CCDC141: variants seen among roughly 807,000 people sequenced by gnomAD.
The protein encoded by CCDC141 is coiled-coil domain-containing protein 141.
Under a neutral mutation model 181.0 loss-of-function variants are expected in CCDC141, and 168 were observed. That is an observed-to-expected ratio of 0.93 (90% confidence interval 0.82 to 1.05). The LOEUF is 1.05. Ranked by LOEUF, CCDC141 falls within the 50% of genes least tolerant of loss-of-function variation. CCDC141 has a pLI of 0.00. For missense variants in CCDC141, 1,902 were observed against 1,788.5 expected (o/e 1.06, Z -1.14); for synonymous variants, 666 against 642.3 (o/e 1.04, Z -0.56).
chr2:179,001,699 A>G (rs17453612), intron 2 of CCDC141: 24,042 of 152,142 alleles, frequency 0.16, 2,005 homozygotes, highest in Middle Eastern at 0.26. Flanking sequence ...GTTTGATGTA[A>G]GAAAGTGGAG....
At chr2:178,948,393 T>C (rs1575254121) in intron 5 of CCDC141, among the ~76,000 whole-genome samples, 1 of 152,218 alleles carries the variant, frequency 6.6e-6, no homozygotes. Flanking sequence ...TATTGGATGG[T>C]TCTCCAATTA....
At position 178,961,462 on chromosome 2, in the gene CCDC141, G is replaced by A; in HGVS notation, c.548C>T (p.Ala183Val). The A allele has an allele frequency of 2.6e-6, 4 of 1,549,862 alleles. No homozygotes were observed. The highest frequency in any genetic ancestry group is 3.5e-6 in the Non-Finnish European group (4 of 1,146,560). The change falls in exon 5 of 24, where the codon GCC becomes GTC. Residue 183 changes from alanine (A) to valine (V), a missense_variant. Coordinates refer to ENST00000443758, the MANE Select transcript of CCDC141 (RefSeq NM_173648.4). ...GAGTTGTTGACTTTTGTTTAAAAGG[G>A]CTAAAGACCGTTCCAAGAGTTCTAG... ...HTKELLERSL[A>V]LLNKSQQLTD...
the CCDC141 span, among the ~76,000 whole-genome samples, chr2:178,822,429 G>A: frequency 1.4e-5 from 2 of 144,172 alleles, no homozygotes; most frequent in Non-Finnish European, 3.0e-5. Context: ...AATCCCTCCT[G>A]AAAAAAAAAA....
At chr2:178,998,168 A>G (rs116088529) in intron 2 of CCDC141, among the ~76,000 whole-genome samples, 2,265 of 152,336 alleles carry the variant, frequency 0.015, 39 homozygotes, top group African/African-American at 0.046. Flanking sequence ...CACTTAGAAC[A>G]TTCTCAATCA....
At chr2:178,922,042 A>G (rs1229500502) in intron 6 of CCDC141, among the ~76,000 whole-genome samples, 1 of 152,216 alleles carries the variant, frequency 6.6e-6, no homozygotes, top group Non-Finnish European at 1.5e-5. Context: ...GGGAGGGCCT[A>G]GAAAAACAGG....
chr2:178,867,165 A>G (rs1685891449), intron 16 of CCDC141, among the ~76,000 whole-genome samples: 4 of 152,198 alleles, frequency 2.6e-5, no homozygotes, highest in Non-Finnish European at 5.9e-5. Flanking sequence ...GGACTCCTCC[A>G]TTCTGGGCTT....
intron 2 of CCDC141, among the ~76,000 whole-genome samples, chr2:179,040,745 T>C (rs2043275369): frequency 6.6e-6 from 1 of 152,238 alleles, no homozygotes. Context: ...TCATATTCCA[T>C]GTTATATATG....
intron 6 of CCDC141, among the ~76,000 whole-genome samples, chr2:178,934,072 C>A (rs1264660040): frequency 1.3e-5 from 2 of 148,990 alleles, no homozygotes; most frequent in Admixed American, 6.8e-5. Context: ...TACATAGAAT[C>A]TCTAGGAATG....
chr2:179,027,548 G>A (rs2042882622), intron 2 of CCDC141, among the ~76,000 whole-genome samples: 1 of 150,308 alleles, frequency 6.7e-6, no homozygotes, highest in South Asian at 2.1e-4. Flanking sequence ...GGGAGGCTGA[G>A]GCAGGAGAAT....
chr2:179,011,538 CA>C (rs1358642019), intron 2 of CCDC141, among the ~76,000 whole-genome samples: 6 of 152,102 alleles, frequency 3.9e-5, no homozygotes, highest in African/African-American at 1.4e-4. Context: ...TTCAATACCC[CA>C]CTGACAACAC....
At chr2:178,815,290 T>C in the CCDC141 span, among the ~76,000 whole-genome samples, 1 of 152,186 alleles carries the variant, frequency 6.6e-6, no homozygotes, top group African/African-American at 2.4e-5. Flanking sequence ...AATCATATTT[T>C]AAGGAAATGA....
intron 19 of CCDC141, among the ~76,000 whole-genome samples, chr2:178,854,527 A>G (rs1168919508): frequency 2.6e-5 from 4 of 152,168 alleles, no homozygotes; most frequent in African/African-American, 9.7e-5. Flanking sequence ...CCATCTCAAA[A>G]ATAAATAAAT....
At chr2:178,909,497 T>C (rs908190811) in intron 7 of CCDC141, among the ~76,000 whole-genome samples, 4 of 152,148 alleles carry the variant, frequency 2.6e-5, no homozygotes, top group Admixed American at 6.5e-5. Flanking sequence ...GACATAGAAA[T>C]AAGAGTTAAA....
chr2:178,975,368 A>C (rs1406681679), intron 3 of CCDC141, among the ~76,000 whole-genome samples: 1 of 152,118 alleles, frequency 6.6e-6, no homozygotes, highest in East Asian at 1.9e-4. Flanking sequence ...TGGTCAATTT[A>C]CAAAGTGTCA....
At chr2:178,907,388 G>A (rs1383024374) in intron 7 of CCDC141, among the ~76,000 whole-genome samples, 1 of 152,220 alleles carries the variant, frequency 6.6e-6, no homozygotes, top group African/African-American at 2.4e-5. Context: ...TAAATCCTGG[G>A]CTGTGGTGCC....
At chr2:178,994,292 G>A (rs893752963) in intron 2 of CCDC141, among the ~76,000 whole-genome samples, 4 of 152,352 alleles carry the variant, frequency 2.6e-5, no homozygotes, top group African/African-American at 7.2e-5. Context: ...TGAAGTCTAG[G>A]AAGAGGGTCC....
chr2:178,982,356 C>A (rs1691455894), intron 2 of CCDC141, among the ~76,000 whole-genome samples: 1 of 152,034 alleles, frequency 6.6e-6, no homozygotes, highest in African/African-American at 2.4e-5. Context: ...CTTATAAGAG[C>A]ATCAGAAAGA....
intron 11 of CCDC141, 34 bp downstream of exon 11, chr2:178,884,867 C>T: frequency 1.3e-6 from 2 of 1,524,066 alleles, no homozygotes; most frequent in Non-Finnish European, 1.8e-6. Flanking sequence ...GCAGTGGCCA[C>T]CTTGCTGAAG....
chr2:178,942,951 T>C (rs545819816), intron 6 of CCDC141, among the ~76,000 whole-genome samples: 38 of 152,302 alleles, frequency 2.5e-4, no homozygotes, highest in African/African-American at 8.2e-4. Flanking sequence ...CTATAAACTA[T>C]GAGAAAAACT....
Sources: allele counts gnomAD v4.1 joint callset (sites outside exome capture counted in the v4.1 genomes callset), GRCh38; gene constraint gnomAD v4.1.1; transcripts MANE v1.5; gene names NCBI Gene and HGNC (gene_info 2026-07-23, HGNC 2026-07-21).